The following DNAH2 variants were observed in gnomAD, a reference collection of about 807,000 sequenced individuals.
The protein encoded by DNAH2 is axonemal beta dynein heavy chain 2.
Under a neutral mutation model 523.5 loss-of-function variants are expected in DNAH2, and 323 were observed. The observed-to-expected ratio is 0.62, with a 90% CI of 0.56 to 0.68. The LOEUF (loss-of-function observed/expected upper bound fraction) is 0.68, where lower values mean the gene tolerates loss of function less well. Ranked by LOEUF, DNAH2 falls within the 30% of genes least tolerant of loss-of-function variation. The pLI, the probability that DNAH2 is intolerant of heterozygous loss-of-function variation, is 0.00. For synonymous variants in DNAH2, 2,093 were observed against 2,177.4 expected (o/e 0.96, Z 1.08); for missense variants, 4,907 against 5,701.5 (o/e 0.86, Z 4.49).
At chr17:7,769,252 C>T (rs1202367679) in intron 24 of DNAH2, among the ~76,000 whole-genome samples, 5 of 152,084 alleles carry the variant, frequency 3.3e-5, no homozygotes, top group African/African-American at 4.8e-5. Context: ...ACCTTCACCT[C>T]GCGGGTTCAA....
Position 7,776,177 on chromosome 17 carries a change from A to G in DNAH2, c.4947+28A>G, listed in dbSNP as rs747338596. On this transcript the variant is annotated intron_variant, in intron 31 of 85. Transcript: ENST00000572933. ...GAGCTGGGGTCAACAGAAGTGAGGGAACAAGGGGCTGGGCACGGTGGCTCA... is the reference window on the plus strand; with the variant it reads ...GAGCTGGGGTCAACAGAAGTGAGGGGACAAGGGGCTGGGCACGGTGGCTCA... The G allele has an allele frequency of 5.0e-6, 8 of 1,610,248 alleles. No individual in the cohort carries two copies. The East Asian group carries it at 6.7e-5, about 13-fold the overall frequency.
chr17:7,747,845 A>G (rs1033408645), intron 12 of DNAH2, among the ~76,000 whole-genome samples: 3 of 152,220 alleles, frequency 2.0e-5, no homozygotes, highest in African/African-American at 7.2e-5. Flanking sequence ...AAAGAACACG[A>G]TCACAGTGAA....
At chr17:7,784,662 C>G (rs1213373416) in intron 39 of DNAH2, among the ~76,000 whole-genome samples, 1 of 152,114 alleles carries the variant, frequency 6.6e-6, no homozygotes, top group Non-Finnish European at 1.5e-5. Flanking sequence ...ATAAATTTGC[C>G]TCAAAAATGT....
intron 8 of DNAH2, among the ~76,000 whole-genome samples, chr17:7,739,495 T>A (rs2075243074): frequency 6.6e-6 from 1 of 152,230 alleles, no homozygotes; most frequent in Non-Finnish European, 1.5e-5. Flanking sequence ...TTTTCTGGCA[T>A]TTGCCTCTTA....
chr17:7,748,806 G>C (rs1371164141), intron 12 of DNAH2, among the ~76,000 whole-genome samples: 1 of 150,002 alleles, frequency 6.7e-6, no homozygotes, highest in African/African-American at 2.5e-5. Context: ...TCGCCACACA[G>C]ATTTTTTTTT....
In DNAH2 at chr17:7,762,298, G is replaced by T. The variant is rs536643957; in HGVS notation, c.2978+1366G>T. On this transcript the variant is annotated intron_variant, in intron 18 of 85. Transcript: ENST00000572933. The stretch of plus-strand genomic sequence containing the variant: ...TTTCCAGCTGGGGATTTTAGGGAAG[G>T]CTTCCTGGAGGAAGGGACTTTGCGT... Among the ~76,000 whole-genome samples the T allele has an allele frequency of 3.3e-5, 5 of 151,816 alleles. No homozygotes were observed. The South Asian group carries it at 8.3e-4, about 25-fold the overall frequency.
At chr17:7,781,955 C>T (rs1390618272) in intron 39 of DNAH2, among the ~76,000 whole-genome samples, 2 of 152,182 alleles carry the variant, frequency 1.3e-5, no homozygotes, top group African/African-American at 2.4e-5. Flanking sequence ...ATGATCCTTT[C>T]AATTGAAACT....
intron 8 of DNAH2, 22 bp from the exon 9 acceptor site, chr17:7,739,711 C>T (rs1232693264): frequency 1.2e-6 from 2 of 1,605,778 alleles, no homozygotes; most frequent in Non-Finnish European, 1.7e-6. Flanking sequence ...AGCAGGAACC[C>T]TCATGCTGTC....
chr17:7,760,789 G>A lies in DNAH2; in HGVS notation c.2835G>A (p.Met945Ile). ...TCCAGACCCAAATCAGCAGCGGCAT[G>A]ACTAACAACGCAAGCCTGCTGCAGA... Reference protein sequence around the residue: ...KKIQTQISSGMTNNASLLQNY... With the variant: ...KKIQTQISSGITNNASLLQNY... Residue 945 changes from methionine (M) to isoleucine (I), a missense_variant, in exon 18 of 86, where the codon ATG (methionine) becomes ATA (isoleucine). By Grantham distance (10) the Met-to-Ile change is conservative. This residue lies in a region of DNAH2 where 2,806 missense variants were observed against 3,190.8 expected (regional missense o/e 0.88). Coordinates refer to ENST00000572933, the MANE Select transcript of DNAH2 (RefSeq NM_020877.5). This position sits in a 1 kb window ranked among gnomAD's most constrained non-coding sequence, Gnocchi z 4.0. 6.2e-7 allele frequency: 1 copy of A among 1,614,196 alleles called. No homozygotes were observed. The highest frequency in any genetic ancestry group is 1.3e-5 in the African/African-American group (1 of 75,050).
rs759155620 is a variant in DNAH2 at position 7,768,065 on chromosome 17, G to C, written c.3837+4G>C. ...AAAATTAGCCAAAGAGTATAAGGTG[G>C]GGAGAAACGGCGGGGAGGCGGAAGA... On this transcript the variant is annotated splice_donor_region_variant and intron_variant, in intron 23 of 85. Coordinates refer to ENST00000572933, the MANE Select transcript of DNAH2 (RefSeq NM_020877.5). The C allele has an allele frequency of 5.6e-6, 9 of 1,614,140 alleles. No individual in the cohort carries two copies. In the South Asian group the frequency reaches 8.8e-5, roughly 16 times the overall value.
rs1053853176 is a variant in DNAH2, at chr17:7,787,153, A to C, written c.6603+120A>C. On this transcript the variant is annotated intron_variant, in intron 42 of 85. Coordinates refer to ENST00000572933, the MANE Select transcript of DNAH2 (RefSeq NM_020877.5). The stretch of plus-strand genomic sequence containing the variant: ...GGCAGGTTCTGTGGGAGAGAGCTGA[A>C]AGGTGGATGCCTGGATTCAGGGAAA... 8.6e-6 allele frequency: 11 copies of C among 1,283,188 alleles called. No individual in the cohort carries two copies. In the African/African-American group the frequency reaches 1.5e-4, roughly 17 times the overall value. The allele number at this position is 1,283,188 out of a possible 1,614,324, so 79.5% of individuals were successfully genotyped here.
intron 35 of DNAH2, 90 bp from the exon 36 acceptor site, chr17:7,779,153 T>C: frequency 1.3e-6 from 2 of 1,498,510 alleles, no homozygotes; most frequent in Non-Finnish European, 1.8e-6. Flanking sequence ...CCTCGCCTAT[T>C]GAAACATTTG....
Position 7,754,746 on chromosome 17 carries a change from C to G in DNAH2, c.1905-2345C>G. ...GGCCAAGGGGCTCAGGCTGTGCCGG[C>G]CCAAGGCCAAGGCCAAGGATCAAAC... On this transcript the variant is annotated intron_variant, in intron 12 of 85. Transcript: ENST00000572933. This position sits in a 1 kb window ranked among gnomAD's most constrained non-coding sequence, Gnocchi z 4.6. 9.6e-7 allele frequency: 1 copy of G among 1,038,814 alleles called. No individual in the cohort carries two copies. Among genetic ancestry groups the G allele is most frequent in the Admixed American group, 1.7e-5 (1 of 58,574 alleles). The allele number at this position is 1,038,814 out of a possible 1,614,324, so 64.3% of individuals were successfully genotyped here.
At position 7,797,373 on chromosome 17, in the gene DNAH2, G is replaced by A. The variant is rs777149874; in HGVS notation, c.7950-27G>A. ...CAGGCCATTCTCCTCTTTATTCCCC[G>A]ATCTCACCCCAGTTCCCTGCCCACA... On this transcript the variant is annotated intron_variant, in intron 51 of 85. Coordinates refer to ENST00000572933, the MANE Select transcript of DNAH2 (RefSeq NM_020877.5). 22 of 1,613,704 alleles carry A rather than the reference G, an allele frequency of 1.4e-5. No homozygotes were observed. In the Admixed American group the frequency reaches 1.8e-4, roughly 13 times the overall value.
Position 7,805,224 on chromosome 17 carries a change from ACCCTCACTTTAT to A in DNAH2, c.9301-24_9301-13del. ...TTCTGTCTCCAGAAGGTCCTGTCTT[ACCCTCACTTTAT>A]CCCCTTTTCCCCCAGGCCCTGGAGT... On this transcript the variant is annotated splice_polypyrimidine_tract_variant and intron_variant, in intron 60 of 85. Transcript: ENST00000572933. 6.2e-7 allele frequency: 1 copy of A among 1,613,404 alleles called. No homozygotes were observed. The highest frequency in any genetic ancestry group is 8.5e-7 in the Non-Finnish European group (1 of 1,179,534).
Position 7,804,329 on chromosome 17 carries a change from G to A in DNAH2, c.9046G>A (p.Glu3016Lys), listed in dbSNP as rs1293191465. 3 of 1,614,170 alleles carry A rather than the reference G, an allele frequency of 1.9e-6. No individual in the cohort carries two copies. The highest frequency in any genetic ancestry group is 4.5e-5 in the East Asian group (2 of 44,880). Residue 3016 changes from glutamate to lysine, a missense_variant, in exon 59 of 86, where the codon GAA (glutamate) becomes AAA (lysine). Around this residue, in one of 3 missense-constraint regions of DNAH2, gnomAD observed 1,851 missense variants for 2,139.4 expected, o/e 0.87. Coordinates refer to ENST00000572933, the MANE Select transcript of DNAH2 (RefSeq NM_020877.5). ...GCGGACAGGCTTGTTCAAGATCGAC[G>A]AAACTAGGGAAAAGGTGCAAGTGAT... Reference protein sequence around the residue: ...KLRTGLFKIDETREKVQVMSL... With the variant: ...KLRTGLFKIDKTREKVQVMSL...
In DNAH2 at chr17:7,832,660, CG is replaced by C; in HGVS notation, c.12811del (p.Ala4271ProfsTer5). 1 of 1,614,152 alleles carries C rather than the reference CG, an allele frequency of 6.2e-7. No homozygotes were observed. The highest frequency in any genetic ancestry group is 8.5e-7 in the Non-Finnish European group (1 of 1,180,040). On this transcript the variant is annotated frameshift_variant, in exon 83 of 86. Coordinates refer to ENST00000572933, the MANE Select transcript of DNAH2 (RefSeq NM_020877.5). LOFTEE classifies it high-confidence loss of function. This position sits in a 1 kb window ranked among gnomAD's most constrained non-coding sequence, Gnocchi z 4.3. The stretch of plus-strand genomic sequence containing the variant: ...GGAGCAGTTTGAGCTGTGGGCCAGC[CG>C]GGCCCGGCCTCCTGTGATCTTCTGG... ...RVEQFELWAS[R>X]ARPPVIFWLS...
rs767211841 is a variant in DNAH2, at chr17:7,817,678, G to A, written c.10138G>A (p.Glu3380Lys). 1 of 1,614,186 alleles carries A rather than the reference G, an allele frequency of 6.2e-7. No individual in the cohort carries two copies. Among genetic ancestry groups the A allele is most frequent in the South Asian group, 1.1e-5 (1 of 91,080 alleles). Residue 3380 changes from glutamate (E) to lysine (K), a missense_variant, in exon 66 of 86, where the codon GAG becomes AAG. This residue lies in a region of DNAH2 where 1,851 missense variants were observed against 2,139.4 expected (regional missense o/e 0.87). Coordinates refer to ENST00000572933, the MANE Select transcript of DNAH2 (RefSeq NM_020877.5). Reference protein sequence around the residue: ...QGLPSDAFSTENGIIVTRGNR... With the variant: ...QGLPSDAFSTKNGIIVTRGNR... ...GTTGCCCTCAGACGCCTTCTCCACTGAGAATGGCATCATCGTCACCCGAGG... is the reference window on the plus strand; with the variant it reads ...GTTGCCCTCAGACGCCTTCTCCACTAAGAATGGCATCATCGTCACCCGAGG...
chr17:7,779,419 T>TC lies in DNAH2; in HGVS notation c.5720dup (p.Gly1908TrpfsTer13). Reference sequence around the variant, plus strand: ...CCTGTGGGATCTTCATTACCATGAATCCTGGTAGGTGGCAGGGAGTGGATG... The same window carrying TC: ...CCTGTGGGATCTTCATTACCATGAATCCCTGGTAGGTGGCAGGGAGTGGATG... On this transcript the variant is annotated frameshift_variant, in exon 36 of 86. Coordinates refer to ENST00000572933, the MANE Select transcript of DNAH2 (RefSeq NM_020877.5). LOFTEE classifies it high-confidence loss of function. The TC allele has an allele frequency of 6.2e-7, 1 of 1,613,352 alleles. No individual in the cohort carries two copies. Among genetic ancestry groups the TC allele is most frequent in the South Asian group, 1.1e-5 (1 of 90,884 alleles).
Sources: allele counts gnomAD v4.1 joint callset (sites outside exome capture counted in the v4.1 genomes callset), GRCh38; gene constraint gnomAD v4.1.1; regional missense constraint gnomAD v4.1.1; non-coding constraint Gnocchi (gnomAD v3.1); transcripts MANE v1.5; gene names NCBI Gene and HGNC (gene_info 2026-07-23, HGNC 2026-07-21).